The following SLC7A2 variants were observed in gnomAD, a reference collection of about 807,000 sequenced individuals.
The protein encoded by SLC7A2 is solute carrier family 7 member 2.
In SLC7A2, 48 loss-of-function variants were observed where a neutral mutation model predicts 58.9. The ratio of observed to expected loss-of-function variants is 0.82; its 90% confidence interval spans 0.65 to 1.04. SLC7A2 has a LOEUF of 1.04. SLC7A2 is among the 50% of genes least tolerant of loss of function. SLC7A2 has a pLI of 0.00. For synonymous variants in SLC7A2, 363 were observed against 314.5 expected, an observed-to-expected ratio of 1.15 and a Z score of -1.63; for missense variants, 1,029 against 818.8, an observed-to-expected ratio of 1.26 and a Z score of -3.13.
Position 17,566,910 on chromosome 8 carries a change from T to G in SLC7A2, c.*1764T>G, listed in dbSNP as rs1164880045. 6.6e-6 allele frequency: 1 copy of G among 152,396 alleles called. No individual in the cohort carries two copies. The highest frequency in any genetic ancestry group is 1.5e-5 in the Non-Finnish European group (1 of 68,024). The allele number at this position is 152,396 out of a possible 1,614,324, so 9.4% of individuals were successfully genotyped here. The stretch of plus-strand genomic sequence containing the variant: ...GGAAAACATTCGTTTTCCTCATGGG[T>G]CTTCCAAGAAATGAGCTATTTTATT... On this transcript the variant is annotated 3_prime_UTR_variant, in exon 13 of 13. Coordinates refer to ENST00000494857, the MANE Select transcript of SLC7A2 (RefSeq NM_001370338.1).
At chr8:17,552,266 A>AT in intron 7 of SLC7A2, among the ~76,000 whole-genome samples, 1 of 150,350 alleles carries the variant, frequency 6.7e-6, no homozygotes, top group East Asian at 2.0e-4. Context: ...CACACACACA[A>AT]ATATATCTGT....
At chr8:17,545,061 A>G (rs188842940) in intron 4 of SLC7A2, among the ~76,000 whole-genome samples, 1 of 152,334 alleles carries the variant, frequency 6.6e-6, no homozygotes, top group Admixed American at 6.5e-5. Flanking sequence ...AGCAAGTTCT[A>G]ATCACCTGTC....
chr8:17,553,557 G>A (rs1317714426), intron 7 of SLC7A2, among the ~76,000 whole-genome samples: 1 of 152,120 alleles, frequency 6.6e-6, no homozygotes, highest in Admixed American at 6.5e-5. Flanking sequence ...GATCACTTAC[G>A]GCAAAGAGTT....
At chr8:17,512,409 T>G (rs1800642224) in intron 2 of SLC7A2, among the ~76,000 whole-genome samples, 1 of 152,134 alleles carries the variant, frequency 6.6e-6, no homozygotes, top group African/African-American at 2.4e-5. Flanking sequence ...TAGCTGGGCA[T>G]GGTGGCGCGT....
intron 2 of SLC7A2, among the ~76,000 whole-genome samples, chr8:17,525,206 C>G (rs1801175868): frequency 6.6e-6 from 1 of 152,100 alleles, no homozygotes; most frequent in Non-Finnish European, 1.5e-5. Context: ...GAAGGCCTAT[C>G]TTCATTATGA....
rs200435655 is a variant in SLC7A2, at chr8:17,543,394, A to T, written c.55A>T (p.Ile19Phe). 27 of 1,614,118 alleles carry T rather than the reference A, an allele frequency of 1.7e-5. No individual in the cohort carries two copies. The East Asian group carries it at 5.8e-4, about 35-fold the overall frequency. The change falls in exon 3 of 13, where the codon ATC (isoleucine) becomes TTC (phenylalanine). Residue 19 changes from isoleucine (I) to phenylalanine (F), a missense_variant. Physicochemically the swap from Ile to Phe is conservative, Grantham distance 21 (BLOSUM62 0). Transcript: ENST00000494857. Reference protein sequence around the residue: ...TFARCLIRRKIVTLDSLEDTK... With the variant: ...TFARCLIRRKFVTLDSLEDTK... ...TGCCCGATGTCTGATCCGGAGAAAAATCGTGACCCTGGACAGTCTAGAAGA... is the reference window on the plus strand; with the variant it reads ...TGCCCGATGTCTGATCCGGAGAAAATTCGTGACCCTGGACAGTCTAGAAGA...
chr8:17,516,927 G>T (rs2016139), intron 2 of SLC7A2, among the ~76,000 whole-genome samples: 76,560 of 152,096 alleles, frequency 0.5, 21,043 homozygotes, highest in Non-Finnish European at 0.62. Flanking sequence ...CTTCATGCAT[G>T]GTACACTGAG....
At chr8:17,520,669 AAGG>A (rs1193602893) in intron 2 of SLC7A2, 5 of 201,796 alleles carry the variant, frequency 2.5e-5, no homozygotes, top group Non-Finnish European at 4.3e-5. Flanking sequence ...AAAAAAAAAA[AAGG>A]AGTACTTTTC....
chr8:17,538,115 AT>A, intron 2 of SLC7A2, among the ~76,000 whole-genome samples: 1 of 152,286 alleles, frequency 6.6e-6, no homozygotes, highest in East Asian at 1.9e-4. Context: ...ATGCTTGCCT[AT>A]GTCTGGATTC....
chr8:17,517,697 T>C (rs1283463298), intron 2 of SLC7A2, among the ~76,000 whole-genome samples: 1 of 152,136 alleles, frequency 6.6e-6, no homozygotes, highest in Non-Finnish European at 1.5e-5. Flanking sequence ...AAGGCAGTAA[T>C]AGTTCATGAA....
chr8:17,548,601 T>C, intron 4 of SLC7A2, 77 bp from the exon 5 acceptor site: 1 of 1,021,738 alleles, frequency 9.8e-7, no homozygotes, highest in South Asian at 1.5e-5. Context: ...AATAATATCC[T>C]AAAGTCATGT....
intron 9 of SLC7A2, 105 bp downstream of exon 9, chr8:17,558,502 C>A: frequency 3.1e-6 from 2 of 644,200 alleles, no homozygotes; most frequent in East Asian, 2.7e-5. Flanking sequence ...GCAGTCTCAC[C>A]AAGGTGAGAG....
intron 1 of SLC7A2, chr8:17,498,557 C>G (rs988589749): frequency 1.1e-4 from 17 of 152,174 alleles, no homozygotes; most frequent in African/African-American, 3.6e-4. Context: ...CTTCCCTCTC[C>G]TTTTCCTACA....
chr8:17,520,486 C>G (rs962985479), intron 2 of SLC7A2, among the ~76,000 whole-genome samples: 2 of 151,120 alleles, frequency 1.3e-5, no homozygotes, highest in Admixed American at 6.6e-5. Context: ...ACTAAAAATA[C>G]AAAAATTAGC....
intron 2 of SLC7A2, among the ~76,000 whole-genome samples, chr8:17,502,780 G>A (rs1042325929): frequency 2.0e-5 from 3 of 152,198 alleles, no homozygotes; most frequent in South Asian, 2.1e-4. Context: ...TTTGTTCAAT[G>A]GACCTCAGGT....
intron 1 of SLC7A2, among the ~76,000 whole-genome samples, chr8:17,497,520 C>T (rs1800001466): frequency 6.6e-6 from 1 of 152,206 alleles, no homozygotes; most frequent in South Asian, 2.1e-4. Context: ...GGTCCCTGTG[C>T]AGCCGGCTCT....
At chr8:17,534,202 A>G (rs1394572906) in intron 2 of SLC7A2, among the ~76,000 whole-genome samples, 2 of 152,176 alleles carry the variant, frequency 1.3e-5, no homozygotes, top group African/African-American at 2.4e-5. Context: ...CAGCAGGAAC[A>G]TGGTTTCATC....
intron 2 of SLC7A2, among the ~76,000 whole-genome samples, chr8:17,515,118 AC>A (rs1429560277): frequency 6.6e-6 from 1 of 152,138 alleles, no homozygotes; most frequent in Non-Finnish European, 1.5e-5. Context: ...CATCAGATGA[AC>A]CTTTAAACTT....
At chr8:17,561,803 A>T in intron 10 of SLC7A2, 141 bp from the exon 11 acceptor site, 1 of 734,282 alleles carries the variant, frequency 1.4e-6, no homozygotes, top group Non-Finnish European at 2.2e-6. Flanking sequence ...AAAAAGAAGA[A>T]AGGGCAAGGC....
Sources: gnomAD v4.1 joint callset for allele counts (sites outside exome capture counted in the v4.1 genomes callset) on GRCh38, gnomAD v4.1.1 for gene constraint, MANE v1.5 for transcripts, NCBI Gene and HGNC (gene_info 2026-07-23, HGNC 2026-07-21) for gene names.